TANC1: variants seen among roughly 807,000 people sequenced by gnomAD.
TANC1 encodes the protein protein TANC1.
In TANC1, 77 loss-of-function variants were observed where a neutral mutation model predicts 149.7. That is an observed-to-expected ratio of 0.51 (90% CI 0.43 to 0.62). The LOEUF (loss-of-function observed/expected upper bound fraction) is 0.62. Ranked by LOEUF, TANC1 falls within the 20% of genes least tolerant of loss-of-function variation. The pLI, the probability that TANC1 is intolerant of heterozygous loss-of-function variation, is 0.00. For missense variants in TANC1, 1,985 were observed against 2,321.8 expected (o/e 0.85, Z 2.98); for synonymous variants, 854 against 925.0 (o/e 0.92, Z 1.39).
chr2:158,976,608 C>T (rs900483537), intron 1 of TANC1, among the ~76,000 whole-genome samples: 24 of 152,186 alleles, frequency 1.6e-4, no homozygotes, highest in African/African-American at 3.6e-4. Context: ...GGGCTGAGCG[C>T]GGTGACTCAT....
At chr2:159,214,124 C>CA (rs33996292) in intron 19 of TANC1, among the ~76,000 whole-genome samples, 1,661 of 100,854 alleles carry the variant, frequency 0.016, 35 homozygotes, top group African/African-American at 0.057. Context: ...GATCCTGTCT[C>CA]AAAAAAAAAA....
At chr2:159,174,421 A>T (rs1196568879) in intron 11 of TANC1, among the ~76,000 whole-genome samples, 1 of 152,076 alleles carries the variant, frequency 6.6e-6, no homozygotes, top group Non-Finnish European at 1.5e-5. Context: ...GTGTCCCTTG[A>T]TGCAGTGTGG....
intron 22 of TANC1, among the ~76,000 whole-genome samples, chr2:159,222,987 C>T (rs2059796810): frequency 6.6e-6 from 1 of 152,212 alleles, no homozygotes; most frequent in Non-Finnish European, 1.5e-5. Context: ...CTCACTGCAA[C>T]CTCCGCCTCC....
rs577948330 is a variant in TANC1 at position 159,158,271 on chromosome 2, G to T, written c.683-5012G>T. 3.4e-4 allele frequency among the ~76,000 whole-genome samples: 51 copies of T among 152,226 alleles called. No individual in the cohort carries two copies. In the Middle Eastern group the frequency reaches 0.017, roughly 51 times the overall value. ...GCTACTCAGGAGGCTGAGGTGGAAA[G>T]ATCGTTTGAGCCCGTGAGGTCGAGG... On this transcript the variant is annotated intron_variant, in intron 7 of 26. Transcript: ENST00000263635.
intron 16 of TANC1, among the ~76,000 whole-genome samples, chr2:159,187,465 A>C (rs17422139): frequency 9.5e-4 from 144 of 152,352 alleles, no homozygotes; most frequent in African/African-American, 3.3e-3. Context: ...TCATGTATCC[A>C]TATTTCTGCC....
chr2:159,169,432 A>C, intron 9 of TANC1, 60 bp downstream of exon 9: 1 of 1,571,294 alleles, frequency 6.4e-7, no homozygotes, highest in East Asian at 2.3e-5. Context: ...GTAACTTTGA[A>C]AGTCTGTGAT....
chr2:159,168,705 A>G (rs2054872763), intron 8 of TANC1, among the ~76,000 whole-genome samples: 1 of 152,210 alleles, frequency 6.6e-6, no homozygotes, highest in Non-Finnish European at 1.5e-5. Flanking sequence ...AAAATGCGGT[A>G]TGATATAGAA....
chr2:159,192,303 AT>A lies in TANC1; in HGVS notation c.2743-1947del, dbSNP rs545307437. On this transcript the variant is annotated intron_variant, in intron 16 of 26. Transcript: ENST00000263635. Reference sequence around the variant, plus strand: ...TTATCTCACTATTAACACCATGACTATTTTTTTCTTTTTAAAAACATTTTTT... The same window carrying A: ...TTATCTCACTATTAACACCATGACTATTTTTTCTTTTTAAAAACATTTTTT... 3.1e-3 allele frequency among the ~76,000 whole-genome samples: 478 copies of A among 152,000 alleles called. 4 individuals are homozygous for A. The highest frequency in any genetic ancestry group is 0.011 in the African/African-American group (456 of 41,444).
chr2:159,123,072 C>T (rs1433967441), intron 4 of TANC1, among the ~76,000 whole-genome samples: 1 of 152,132 alleles, frequency 6.6e-6, no homozygotes, highest in Non-Finnish European at 1.5e-5. Context: ...TCTCTAGAGA[C>T]AATTGCGTTC....
At chr2:159,208,067 A>T (rs1009888633) in intron 19 of TANC1, among the ~76,000 whole-genome samples, 1 of 152,120 alleles carries the variant, frequency 6.6e-6, no homozygotes, top group South Asian at 2.1e-4. Flanking sequence ...TGACTCAGTT[A>T]TTTCACCTCA....
chr2:159,035,748 G>A (rs2040137659), intron 2 of TANC1, among the ~76,000 whole-genome samples: 1 of 152,194 alleles, frequency 6.6e-6, no homozygotes, highest in Non-Finnish European at 1.5e-5. Context: ...CTCTCAGGAA[G>A]CTGCCTTCCT....
In TANC1 at chr2:159,150,366, G is replaced by A. The variant is rs2052646944; in HGVS notation, c.496-4G>A. On this transcript the variant is annotated splice_polypyrimidine_tract_variant and splice_region_variant and intron_variant, in intron 6 of 26. Transcript: ENST00000263635. ...GCTAACTCCTCCTTCCATTCATCTT[G>A]CAGTGCACAGCTCTGAGTCAAGGCA... 1 of 1,613,272 alleles carries A rather than the reference G, an allele frequency of 6.2e-7. No individual in the cohort carries two copies. The highest frequency in any genetic ancestry group is 2.2e-5 in the East Asian group (1 of 44,852).
chr2:159,024,917 G>C (rs933258206), intron 2 of TANC1, among the ~76,000 whole-genome samples: 3 of 152,166 alleles, frequency 2.0e-5, no homozygotes, highest in African/African-American at 7.2e-5. Context: ...GGAGCAATAG[G>C]CTCTAGCATA....
At chr2:159,086,032 C>A (rs997075037) in intron 3 of TANC1, among the ~76,000 whole-genome samples, 5 of 152,040 alleles carry the variant, frequency 3.3e-5, no homozygotes, top group Non-Finnish European at 5.9e-5. Flanking sequence ...AGTGGGGTAT[C>A]CTGTGGTTAG....
At position 159,136,509 on chromosome 2, in the gene TANC1, A is replaced by G. The variant is rs189882452; in HGVS notation, c.364+211A>G. On this transcript the variant is annotated intron_variant, in intron 5 of 26. Coordinates refer to ENST00000263635, the MANE Select transcript of TANC1 (RefSeq NM_033394.3). ...GGCGTATAAATAGTTAAGTGGGTAC[A>G]TATGCATTATTTAAGGATTGAGTCC... Among the ~76,000 whole-genome samples, 8 of 152,320 alleles carry G rather than the reference A, an allele frequency of 5.3e-5. No individual in the cohort carries two copies. The East Asian group carries it at 1.3e-3, about 26-fold the overall frequency.
intron 8 of TANC1, among the ~76,000 whole-genome samples, chr2:159,166,423 C>T (rs1454941828): frequency 6.6e-6 from 1 of 152,152 alleles, no homozygotes; most frequent in Non-Finnish European, 1.5e-5. Context: ...AAAAAACGGA[C>T]TTTCCTCCAC....
rs997605182 is a variant in TANC1, at chr2:159,231,941, G to A, written c.*929G>A. 3.3e-5 allele frequency: 5 copies of A among 152,428 alleles called. No homozygotes were observed. Among genetic ancestry groups the A allele is most frequent in the African/African-American group, 1.2e-4 (5 of 41,428 alleles). The allele number at this position is 152,428 out of a possible 1,614,324, so 9.4% of individuals were successfully genotyped here. ...TTTGTTGTACAATTAGTACTTTATA[G>A]TCACATGTTGTATATATTAAATAGC... On this transcript the variant is annotated 3_prime_UTR_variant, in exon 27 of 27. Coordinates refer to ENST00000263635, the MANE Select transcript of TANC1 (RefSeq NM_033394.3).
At chr2:159,022,474 G>A (rs954204374) in intron 2 of TANC1, among the ~76,000 whole-genome samples, 3 of 152,026 alleles carry the variant, frequency 2.0e-5, no homozygotes, top group African/African-American at 7.2e-5. Flanking sequence ...GGCAAGGCAC[G>A]GTGGTTCACG....
chr2:159,009,366 G>T (rs1012039582), intron 2 of TANC1, among the ~76,000 whole-genome samples: 6 of 152,136 alleles, frequency 3.9e-5, no homozygotes, highest in African/African-American at 1.2e-4. Context: ...CAACTTAAGT[G>T]TCCATCAGCA....
Sources: gnomAD v4.1 joint callset for allele counts (sites outside exome capture counted in the v4.1 genomes callset) on GRCh38, gnomAD v4.1.1 for gene constraint, MANE v1.5 for transcripts, NCBI Gene and HGNC (gene_info 2026-07-23, HGNC 2026-07-21) for gene names.